Variants in ROBO2 observed in about 807,000 individuals in gnomAD.
The protein encoded by ROBO2 is roundabout guidance receptor 2, also known as roundabout homolog 2.
A neutral mutation model predicts 160.8 loss-of-function variants in ROBO2; 53 were observed. The ratio of observed to expected loss-of-function variants is 0.33; its 90% confidence interval spans 0.26 to 0.41. ROBO2 has a LOEUF of 0.41. Ranked by LOEUF, ROBO2 falls within the 10% of genes least tolerant of loss-of-function variation. The probability of loss-of-function intolerance (pLI) is 1.00; values close to 1 mark genes in which losing one functional copy is unlikely to be tolerated. For missense variants in ROBO2, 1,577 were observed against 1,722.4 expected, an observed-to-expected ratio of 0.92 and a Z score of 1.49; for synonymous variants, 664 against 611.7, an observed-to-expected ratio of 1.09 and a Z score of -1.26.
chr3:76,727,239 C>T (rs904473333), intron 2 of ROBO2, among the ~76,000 whole-genome samples: 4 of 152,110 alleles, frequency 2.6e-5, no homozygotes, highest in Non-Finnish European at 5.9e-5. Context: ...GTCAGAAGAT[C>T]TGGGCTCCAG....
At chr3:76,484,145 C>T (rs143157771) in intron 2 of ROBO2, among the ~76,000 whole-genome samples, 1 of 152,192 alleles carries the variant, frequency 6.6e-6, no homozygotes, top group African/African-American at 2.4e-5. Context: ...CACCATTCTG[C>T]TTACCTATGT....
intron 23 of ROBO2, among the ~76,000 whole-genome samples, chr3:77,625,161 A>G (rs537275722): frequency 6.6e-6 from 1 of 152,292 alleles, no homozygotes; most frequent in Non-Finnish European, 1.5e-5. Context: ...AAAGGCTAAA[A>G]AAAAGAAGAA....
chr3:76,792,626 A>T (rs2063437744), intron 2 of ROBO2, among the ~76,000 whole-genome samples: 1 of 151,556 alleles, frequency 6.6e-6, no homozygotes, highest in Non-Finnish European at 1.5e-5. Flanking sequence ...TTTTTTTTGG[A>T]AAGTAGCTGT....
intron 2 of ROBO2, among the ~76,000 whole-genome samples, chr3:77,336,238 G>A (rs2066483259): frequency 6.6e-6 from 1 of 152,162 alleles, no homozygotes; most frequent in African/African-American, 2.4e-5. Context: ...GGTGCATGGT[G>A]TACAGAGTAT....
In ROBO2 at chr3:75,958,048, G is replaced by A. The variant is rs558847074; in HGVS notation, c.109+20446G>A. The stretch of plus-strand genomic sequence containing the variant: ...AAAAACAGAAAAACACGTATAAATG[G>A]TTTGCATGTGTCATGCTGATAGTTG... On this transcript the variant is annotated intron_variant, in intron 2 of 26. Coordinates refer to the ROBO2 transcript ENST00000487694. Among the ~76,000 whole-genome samples, 12 of 151,808 alleles carry A rather than the reference G, an allele frequency of 7.9e-5. No homozygotes were observed. The South Asian group carries it at 2.5e-3, about 31-fold the overall frequency.
At chr3:76,006,835 A>G (rs1244617711) in intron 2 of ROBO2, among the ~76,000 whole-genome samples, 1 of 152,060 alleles carries the variant, frequency 6.6e-6, no homozygotes, top group Admixed American at 6.6e-5. Context: ...CTGCATCCAA[A>G]CTATATTGGA....
intron 5 of ROBO2, among the ~76,000 whole-genome samples, chr3:77,500,787 G>A (rs1002826110): frequency 2.0e-5 from 3 of 152,116 alleles, no homozygotes; most frequent in Non-Finnish European, 4.4e-5. Context: ...TGCCACCTAC[G>A]GTGGGGAGTG....
chr3:76,244,714 C>T (rs1705511537), intron 2 of ROBO2, among the ~76,000 whole-genome samples: 1 of 151,962 alleles, frequency 6.6e-6, no homozygotes, highest in African/African-American at 2.4e-5. Context: ...CGCACTGAGG[C>T]AAAAAGAAAA....
At chr3:77,363,685 G>A (rs2070392579) in intron 2 of ROBO2, among the ~76,000 whole-genome samples, 1 of 152,190 alleles carries the variant, frequency 6.6e-6, no homozygotes, top group South Asian at 2.1e-4. Context: ...ACACTTCTTG[G>A]TCTCTCTGTG....
intron 2 of ROBO2, among the ~76,000 whole-genome samples, chr3:76,148,584 C>T (rs2072010678): frequency 6.6e-6 from 1 of 152,058 alleles, no homozygotes; most frequent in Admixed American, 6.6e-5. Context: ...TTCCCACCAA[C>T]CTTCTGGAGC....
chr3:77,479,405 G>T (rs974386705), intron 3 of ROBO2, among the ~76,000 whole-genome samples: 1 of 152,134 alleles, frequency 6.6e-6, no homozygotes, highest in Non-Finnish European at 1.5e-5. Context: ...GTCAGATAAG[G>T]AAACTTCAGA....
At chr3:76,672,526 C>T (rs972363640) in intron 2 of ROBO2, among the ~76,000 whole-genome samples, 3 of 151,992 alleles carry the variant, frequency 2.0e-5, no homozygotes, top group African/African-American at 7.2e-5. Flanking sequence ...TAATGTTGTA[C>T]GTATAAAGTA....
intron 4 of ROBO2, among the ~76,000 whole-genome samples, chr3:77,487,747 T>C (rs946142799): frequency 1.3e-5 from 2 of 152,204 alleles, no homozygotes; most frequent in Non-Finnish European, 2.9e-5. Context: ...TTAACTCTAA[T>C]GTCCTTTTAT....
In ROBO2 at chr3:76,533,816, CAGG is replaced by C. The variant is rs531572650; in HGVS notation, c.110-564195_110-564193del. Among the ~76,000 whole-genome samples the C allele has an allele frequency of 9.9e-5, 15 of 152,040 alleles. No homozygotes were observed. In the East Asian group the frequency reaches 2.9e-3, roughly 29 times the overall value. ...TGGAGAGACCATGAGACTCACTGTC[CAGG>C]AGAAGAATGTCCCAGGGTCAACTGA... On this transcript the variant is annotated intron_variant, in intron 2 of 26. Coordinates refer to the ROBO2 transcript ENST00000487694.
At chr3:77,379,337 T>C (rs1214469321) in intron 2 of ROBO2, among the ~76,000 whole-genome samples, 1 of 152,202 alleles carries the variant, frequency 6.6e-6, no homozygotes, top group Admixed American at 6.5e-5. Context: ...TAAAATATGG[T>C]GACTTAATTT....
chr3:75,923,239 T>G (rs1280031311), intron 1 of ROBO2, among the ~76,000 whole-genome samples: 1 of 152,232 alleles, frequency 6.6e-6, no homozygotes, highest in Non-Finnish European at 1.5e-5. Context: ...AAAAGTATCC[T>G]GCAGTGGAAT....
At chr3:77,555,716 T>C (rs1420462177) in intron 8 of ROBO2, among the ~76,000 whole-genome samples, 3 of 151,936 alleles carry the variant, frequency 2.0e-5, no homozygotes, top group Admixed American at 6.6e-5. Context: ...CACATCATGA[T>C]CTTATATGAA....
intron 2 of ROBO2, among the ~76,000 whole-genome samples, chr3:76,654,896 T>C (rs2091425796): frequency 7.0e-6 from 1 of 142,914 alleles, no homozygotes; most frequent in Non-Finnish European, 1.5e-5. Context: ...CATATGCATG[T>C]GTGTACATAT....
chr3:77,127,509 CAAG>C (rs1279823100), intron 2 of ROBO2, among the ~76,000 whole-genome samples: 1 of 152,086 alleles, frequency 6.6e-6, no homozygotes, highest in Non-Finnish European at 1.5e-5. Flanking sequence ...GTACTCTTTG[CAAG>C]AAGACTATTT....
Sources: gnomAD v4.1 joint callset for allele counts (sites outside exome capture counted in the v4.1 genomes callset) on GRCh38, gnomAD v4.1.1 for gene constraint, MANE v1.5 for transcripts, NCBI Gene and HGNC (gene_info 2026-07-23, HGNC 2026-07-21) for gene names.